HLA-F: variants seen among roughly 807,000 people sequenced by gnomAD.
The protein encoded by HLA-F is HLA class I histocompatibility antigen, alpha chain F.
HLA-F carries 46 observed loss-of-function variants against 49.5 expected under a neutral mutation model. The ratio of observed to expected loss-of-function variants is 0.93; its 90% CI spans 0.73 to 1.19. The LOEUF is 1.19. HLA-F is among the 50% of genes most tolerant of loss of function. HLA-F has a pLI of 0.00. For synonymous variants in HLA-F, 203 were observed against 233.5 expected, an observed-to-expected ratio of 0.87 and a Z score of 1.19; for missense variants, 496 against 579.6, an observed-to-expected ratio of 0.86 and a Z score of 1.48.
At chr6:29,726,363 G>T in intron 6 of HLA-F, 1 of 1,608,014 alleles carries the variant, frequency 6.2e-7, no homozygotes. Context: ...ACCTCTCACT[G>T]TGACTGATAC....
downstream of HLA-F, among the ~76,000 whole-genome samples, chr6:29,730,728 T>C (rs1776500608): frequency 6.6e-6 from 1 of 151,932 alleles, no homozygotes. Context: ...AAAGGCAGAG[T>C]GAGCCTCTCA....
rs768639769 is a variant in HLA-F, at chr6:29,724,259, G to A, written c.421G>A (p.Gly141Ser). The change falls in exon 3 of 7, where the codon GGC becomes AGC. Residue 141 changes from glycine to serine, a missense_variant. Gly to Ser is a moderately conservative substitution (Grantham distance 56, BLOSUM62 0). Coordinates refer to ENST00000259951, the MANE Select transcript of HLA-F (RefSeq NM_001098479.2). ...CGGGTATCACCAGCACGCGTACGAC[G>A]GCAAGGATTACATCTCCCTGAACGA... Reference protein sequence around the residue: ...LRGYHQHAYDGKDYISLNEDL... With the variant: ...LRGYHQHAYDSKDYISLNEDL... 1.9e-6 allele frequency: 3 copies of A among 1,613,282 alleles called. No homozygotes were observed. The highest frequency in any genetic ancestry group is 2.5e-6 in the Non-Finnish European group (3 of 1,180,042).
At chr6:29,737,332 T>C (rs1777207089) in intron 3 of HLA-F, among the ~76,000 whole-genome samples, 1 of 149,736 alleles carries the variant, frequency 6.7e-6, no homozygotes, top group Admixed American at 6.7e-5. Context: ...TGGGGTGCAA[T>C]CTGCAAAATG....
downstream of HLA-F, chr6:29,728,277 G>A (rs974357044): frequency 8.4e-6 from 3 of 357,394 alleles, no homozygotes; most frequent in East Asian, 7.5e-5. Flanking sequence ...GAAAAGTGTG[G>A]TCCCACCCCA....
At chr6:29,727,765 G>A (rs1489089212), downstream of HLA-F, among the ~76,000 whole-genome samples, 5 of 152,176 alleles carry the variant, frequency 3.3e-5, no homozygotes, top group African/African-American at 4.8e-5. Context: ...GTGGGTATGA[G>A]TGTGATATTC....
Position 29,723,647 on chromosome 6 carries a change from C to T in HLA-F, c.65-11C>T, listed in dbSNP as rs773827023. The T allele has an allele frequency of 3.1e-6, 5 of 1,606,464 alleles. No individual in the cohort carries two copies. The highest frequency in any genetic ancestry group is 3.4e-6 in the Non-Finnish European group (4 of 1,176,568). Reference sequence around the variant, plus strand: ...AGGGTCTGGCGGGTCTCAGCCCCTCCTCGCCCCCAGGCTCCCACTCCTTGA... The same window carrying T: ...AGGGTCTGGCGGGTCTCAGCCCCTCTTCGCCCCCAGGCTCCCACTCCTTGA... On this transcript the variant is annotated splice_polypyrimidine_tract_variant and intron_variant, in intron 1 of 6. Coordinates refer to ENST00000259951, the MANE Select transcript of HLA-F (RefSeq NM_001098479.2).
At chr6:29,725,377 T>G in intron 4 of HLA-F, 70 bp from the exon 5 acceptor site, 8 of 1,610,336 alleles carry the variant, frequency 5.0e-6, no homozygotes, top group Non-Finnish European at 5.9e-6. Context: ...GGAGCCCTTC[T>G]GGAGCTCTTC....
rs111901851 is a variant in HLA-F at position 29,733,968 on chromosome 6, T to C, written c.404-4154T>C. Reference sequence around the variant, plus strand: ...ATGAAAATATGAGTCCCTGAGAACATAAAATCTTCATTTGAGCTCACTGAA... The same window carrying C: ...ATGAAAATATGAGTCCCTGAGAACACAAAATCTTCATTTGAGCTCACTGAA... On this transcript the variant is annotated intron_variant, in intron 3 of 4. Transcript: ENST00000465459. Among the ~76,000 whole-genome samples the C allele has an allele frequency of 1.1e-3, 170 of 152,284 alleles. 1 individual carries two copies. Among genetic ancestry groups the C allele is most frequent in the African/African-American group, 3.7e-3 (152 of 41,550 alleles).
chr6:29,726,785 T>C (rs1776138743), intron 6 of HLA-F, 98 bp from the exon 7 acceptor site: 4 of 1,380,532 alleles, frequency 2.9e-6, no homozygotes, highest in Admixed American at 3.3e-5. Flanking sequence ...GCCACATCAA[T>C]GTCACAAACT....
At position 29,723,855 on chromosome 6, in the gene HLA-F, G is replaced by A; in HGVS notation, c.262G>A (p.Ala88Thr). Reference protein sequence around the residue: ...PQYWEWTTGYAKANAQTDRVA... With the variant: ...PQYWEWTTGYTKANAQTDRVA... ...GTATTGGGAGTGGACCACAGGGTACGCCAAGGCCAACGCACAGACTGACCG... is the reference window on the plus strand; with the variant it reads ...GTATTGGGAGTGGACCACAGGGTACACCAAGGCCAACGCACAGACTGACCG... The change falls in exon 2 of 7, where the codon GCC (alanine) becomes ACC (threonine). Residue 88 changes from alanine (A) to threonine (T), a missense_variant. Coordinates refer to ENST00000259951, the MANE Select transcript of HLA-F (RefSeq NM_001098479.2). 6.3e-7 allele frequency: 1 copy of A among 1,598,480 alleles called. No individual in the cohort carries two copies. Among genetic ancestry groups the A allele is most frequent in the African/African-American group, 1.3e-5 (1 of 74,580 alleles).
chr6:29,726,732 T>C (rs1047861283), intron 6 of HLA-F, 151 bp from the exon 7 acceptor site: 3 of 1,218,192 alleles, frequency 2.5e-6, no homozygotes, highest in Non-Finnish European at 1.2e-6. Flanking sequence ...GTCGAACATA[T>C]GCCTTCCTCT....
intron 1 of HLA-F, 25 bp from the exon 2 acceptor site, chr6:29,723,633 G>C (rs1219442842): frequency 6.2e-7 from 1 of 1,605,114 alleles, no homozygotes; most frequent in Non-Finnish European, 8.5e-7. Context: ...GGGTCTGGCG[G>C]GTCTCAGCCC....
At chr6:29,734,365 T>C (rs2127598158) in intron 3 of HLA-F, among the ~76,000 whole-genome samples, 1 of 152,300 alleles carries the variant, frequency 6.6e-6, no homozygotes. Context: ...AACATTTCCC[T>C]CCAAATGAAT....
Position 29,725,494 on chromosome 6 carries a change from C to T in HLA-F, c.934C>T (p.Leu312Phe). 1 of 1,614,160 alleles carries T rather than the reference C, an allele frequency of 6.2e-7. No individual in the cohort carries two copies. Among genetic ancestry groups the T allele is most frequent in the Non-Finnish European group, 8.5e-7 (1 of 1,180,028 alleles). ...TIPIVGIVAG[L>F]VVLGAVVTGA... is the part of the protein sequence containing the mutation. Reference sequence around the variant, plus strand: ...CCCCATCGTGGGCATCGTTGCTGGCCTTGTTGTCCTTGGAGCTGTGGTCAC... The same window carrying T: ...CCCCATCGTGGGCATCGTTGCTGGCTTTGTTGTCCTTGGAGCTGTGGTCAC... Residue 312 changes from leucine (L) to phenylalanine (F), a missense_variant, in exon 5 of 7, where the codon CTT (leucine) becomes TTT (phenylalanine). By Grantham distance (22) the Leu-to-Phe change is conservative. Transcript: ENST00000259951.
intron 3 of HLA-F, chr6:29,737,674 G>A (rs1440052220): frequency 1.3e-5 from 2 of 152,098 alleles, no homozygotes; most frequent in South Asian, 2.1e-4. Flanking sequence ...GGTTTTTTAT[G>A]ACAAAAACAC....
At position 29,726,900 on chromosome 6, in the gene HLA-F, G is replaced by A. The variant is rs758336948; in HGVS notation, c.1054G>A (p.Gly352Arg). ...CTTCACAGCCTACTCAGTGGTCAGC[G>A]GAAACTTGATGATAACATGGTGGTC... ...SQAAAYSVVS[G>R]NLMITWWSSL... is the part of the protein sequence containing the mutation. The change falls in exon 7 of 7, where the codon GGA (glycine) becomes AGA (arginine). Residue 352 changes from glycine (G) to arginine (R), a missense_variant. By Grantham distance (125) the Gly-to-Arg change is moderately radical. Coordinates refer to ENST00000259951, the MANE Select transcript of HLA-F (RefSeq NM_001098479.2). 37 of 1,604,254 alleles carry A rather than the reference G, an allele frequency of 2.3e-5. No individual in the cohort carries two copies. The highest frequency in any genetic ancestry group is 3.1e-5 in the Non-Finnish European group (36 of 1,179,800).
rs776996820 is a variant in HLA-F, at chr6:29,723,827, G to A, written c.234G>A (p.Pro78=). 4.2e-5 allele frequency: 67 copies of A among 1,601,790 alleles called. No individual in the cohort carries two copies. The highest frequency in any genetic ancestry group is 1.7e-4 in the Middle Eastern group (1 of 6,056). The part of the protein sequence containing the change: ...PREPWVEQEG[P]QYWEWTTGYA... ...AGCCGTGGGTGGAGCAAGAGGGGCC[G>A]CAGTATTGGGAGTGGACCACAGGGT... Residue 78 remains proline, a synonymous_variant, in exon 2 of 7, where the codon CCG becomes CCA. Coordinates refer to ENST00000259951, the MANE Select transcript of HLA-F (RefSeq NM_001098479.2).
In HLA-F at chr6:29,724,282, C is replaced by G. The variant is rs1209264434; in HGVS notation, c.444C>G (p.Asn148Lys). ...ACGGCAAGGATTACATCTCCCTGAA[C>G]GAGGACCTGCGCTCCTGGACCGCGG... ...AYDGKDYISLNEDLRSWTAAD... is the reference protein window; with the variant it reads ...AYDGKDYISLKEDLRSWTAAD... The change falls in exon 3 of 7, where the codon AAC becomes AAG. Residue 148 changes from asparagine to lysine, a missense_variant. Coordinates refer to ENST00000259951, the MANE Select transcript of HLA-F (RefSeq NM_001098479.2). 1.2e-6 allele frequency: 2 copies of G among 1,613,238 alleles called. No individual in the cohort carries two copies. The highest frequency in any genetic ancestry group is 2.2e-5 in the East Asian group (1 of 44,888).
downstream of HLA-F, among the ~76,000 whole-genome samples, chr6:29,731,460 C>CAATG (rs200016467): frequency 4.2e-3 from 638 of 152,098 alleles, 3 homozygotes; most frequent in Middle Eastern, 0.014. Flanking sequence ...GTGCAACACT[C>CAATG]AAGAGTCCAA....
Sources: gnomAD v4.1 joint callset for allele counts (sites outside exome capture counted in the v4.1 genomes callset) on GRCh38, gnomAD v4.1.1 for gene constraint, MANE v1.5 for transcripts, NCBI Gene and HGNC (gene_info 2026-07-23, HGNC 2026-07-21) for gene names.